TMTC1: variants seen among roughly 807,000 people sequenced by gnomAD.
TMTC1 encodes protein O-mannosyl-transferase TMTC1.
A neutral mutation model predicts 104.8 loss-of-function variants in TMTC1; 73 were observed. That is an observed-to-expected ratio of 0.70 (90% CI 0.58 to 0.85). TMTC1 has a LOEUF of 0.85. Ranked by LOEUF, TMTC1 falls within the 40% of genes least tolerant of loss-of-function variation. The probability of loss-of-function intolerance (pLI) is 0.00; values close to 1 mark genes in which losing one functional copy is unlikely to be tolerated. For synonymous variants in TMTC1, 434 were observed against 428.7 expected, an observed-to-expected ratio of 1.01 and a Z score of -0.15; for missense variants, 1,035 against 1,096.1, an observed-to-expected ratio of 0.94 and a Z score of 0.79.
intron 2 of TMTC1, among the ~76,000 whole-genome samples, chr12:29,759,965 C>T (rs995741684): frequency 2.6e-5 from 4 of 152,138 alleles, no homozygotes; most frequent in Non-Finnish European, 4.4e-5. Flanking sequence ...AGGTCAACAA[C>T]GAGCCACATA....
At chr12:29,647,734 T>G (rs1939332326) in intron 5 of TMTC1, among the ~76,000 whole-genome samples, 1 of 152,228 alleles carries the variant, frequency 6.6e-6, no homozygotes, top group African/African-American at 2.4e-5. Context: ...CTCAAGCAAA[T>G]CTATTCTAGT....
intron 10 of TMTC1, among the ~76,000 whole-genome samples, chr12:29,551,681 C>T (rs903390259): frequency 3.9e-5 from 6 of 152,074 alleles, no homozygotes; most frequent in African/African-American, 1.4e-4. Context: ...AATATTTTTC[C>T]CATATCCTGA....
At chr12:29,539,842 G>A (rs1944747259) in intron 10 of TMTC1, among the ~76,000 whole-genome samples, 1 of 152,134 alleles carries the variant, frequency 6.6e-6, no homozygotes, top group South Asian at 2.1e-4. Context: ...GATTTGCCCT[G>A]CTCCTAAGCA....
intron 5 of TMTC1, among the ~76,000 whole-genome samples, chr12:29,650,722 C>A (rs189858196): frequency 6.6e-6 from 1 of 152,300 alleles, no homozygotes; most frequent in Non-Finnish European, 1.5e-5. Context: ...TCTGAGCTTT[C>A]ACAAACAGGT....
chr12:29,600,023 T>C (rs1031783775), intron 7 of TMTC1, among the ~76,000 whole-genome samples: 13 of 143,772 alleles, frequency 9.0e-5, no homozygotes, highest in South Asian at 4.4e-4. Flanking sequence ...TTTTTTTTTT[T>C]CCCTCAAAAG....
chr12:29,696,382 C>A (rs1863223), intron 5 of TMTC1, among the ~76,000 whole-genome samples: 33,779 of 152,062 alleles, frequency 0.22, 4,001 homozygotes, highest in East Asian at 0.34. Flanking sequence ...TTAGAAACTT[C>A]ACTTCTGGAT....
chr12:29,731,032 G>A lies in TMTC1; in HGVS notation c.938+20634C>T, dbSNP rs577709379. ...GAACATCATGAATTGGAACTTGGAG[G>A]AAGGCATGCAGTCAAATGAACAAAA... On this transcript the variant is annotated intron_variant, in intron 5 of 17. Transcript: ENST00000539277. 6.6e-5 allele frequency among the ~76,000 whole-genome samples: 10 copies of A among 152,266 alleles called. No homozygotes were observed. In the South Asian group the frequency reaches 2.1e-3, roughly 32 times the overall value.
At chr12:29,520,973 C>T (rs1944136004) in intron 11 of TMTC1, 3 of 414,950 alleles carry the variant, frequency 7.2e-6, no homozygotes, top group African/African-American at 2.0e-5. Flanking sequence ...TCAAATGGGA[C>T]CTTTGGAAGG....
chr12:29,726,815 C>T lies in TMTC1; in HGVS notation c.938+24851G>A, dbSNP rs533376426. 9.2e-5 allele frequency among the ~76,000 whole-genome samples: 14 copies of T among 152,286 alleles called. No individual in the cohort carries two copies. In the South Asian group the frequency reaches 2.9e-3, roughly 32 times the overall value. ...TCAATCTAGAGATTATCCTAAAGTT[C>T]CGAAGACTTACTTAGATTAAGAAAT... On this transcript the variant is annotated intron_variant, in intron 5 of 17. Coordinates refer to ENST00000539277, the MANE Select transcript of TMTC1 (RefSeq NM_001193451.2).
At position 29,604,345 on chromosome 12, in the gene TMTC1, C is replaced by T. The variant is rs753894114; in HGVS notation, c.1129-46G>A. Reference sequence around the variant, plus strand: ...GGAAACATTAACTTCTGTTGAATTCCACTTCAGGCAGCATTTAACCATCTC... The same window carrying T: ...GGAAACATTAACTTCTGTTGAATTCTACTTCAGGCAGCATTTAACCATCTC... On this transcript the variant is annotated intron_variant, in intron 6 of 17. Transcript: ENST00000539277. 14 of 1,609,972 alleles carry T rather than the reference C, an allele frequency of 8.7e-6. No homozygotes were observed. The African/African-American group carries it at 1.7e-4, about 20-fold the overall frequency.
chr12:29,768,916 G>A (rs1943534785), intron 1 of TMTC1, among the ~76,000 whole-genome samples: 4 of 152,170 alleles, frequency 2.6e-5, no homozygotes, highest in Admixed American at 2.6e-4. Context: ...ACACCCAATT[G>A]ATTCTGTGGG....
intron 5 of TMTC1, among the ~76,000 whole-genome samples, chr12:29,745,355 G>A (rs1356547279): frequency 6.6e-6 from 1 of 152,062 alleles, no homozygotes; most frequent in Non-Finnish European, 1.5e-5. Flanking sequence ...AGGAGCAGTG[G>A]CTCACGACTT....
intron 5 of TMTC1, among the ~76,000 whole-genome samples, chr12:29,735,384 T>C (rs1440126736): frequency 6.6e-6 from 1 of 152,058 alleles, no homozygotes; most frequent in African/African-American, 2.4e-5. Context: ...AGTTGCAAAA[T>C]GCAGATAAGA....
chr12:29,525,432 C>T (rs770173208), intron 11 of TMTC1, among the ~76,000 whole-genome samples: 4 of 151,780 alleles, frequency 2.6e-5, no homozygotes, highest in Admixed American at 2.0e-4. Flanking sequence ...GTGATCCACC[C>T]GCCTTGGCTT....
At chr12:29,592,890 T>C (rs1946317553) in intron 7 of TMTC1, among the ~76,000 whole-genome samples, 1 of 152,214 alleles carries the variant, frequency 6.6e-6, no homozygotes, top group South Asian at 2.1e-4. Context: ...TGTGTAAAGT[T>C]TGAATGCATT....
At chr12:29,668,631 T>G (rs1354513078) in intron 5 of TMTC1, among the ~76,000 whole-genome samples, 2 of 152,040 alleles carry the variant, frequency 1.3e-5, no homozygotes, top group African/African-American at 2.4e-5. Context: ...TGGCTAATTT[T>G]TGTACTTTTA....
In TMTC1 at chr12:29,536,242, T is replaced by C. The variant is rs1350908413; in HGVS notation, c.1752A>G (p.Ala584=). 6.2e-7 allele frequency: 1 copy of C among 1,613,182 alleles called. No homozygotes were observed. The highest frequency in any genetic ancestry group is 8.5e-7 in the Non-Finnish European group (1 of 1,179,516). The change falls in exon 11 of 18, where the codon GCA becomes GCG. Residue 584 remains alanine, a synonymous_variant. Coordinates refer to ENST00000539277, the MANE Select transcript of TMTC1 (RefSeq NM_001193451.2). ...CCAATAACGAAGCTAAGCTTGAATA[T>C]GCATCTGCAAACTCTGGACCATATT... is the stretch of plus-strand genomic sequence containing the variant. ...SIKYGPEFAD[A]YSSLASLLAE...
chr12:29,549,297 C>G (rs957956996), intron 10 of TMTC1, among the ~76,000 whole-genome samples: 8 of 151,432 alleles, frequency 5.3e-5, no homozygotes, highest in African/African-American at 1.9e-4. Context: ...AAATACATAC[C>G]AAATTATCAC....
rs200074168 is a variant in TMTC1, at chr12:29,761,051, TTAA to T, written c.481-2277_481-2275del. 4.4e-3 allele frequency among the ~76,000 whole-genome samples: 644 copies of T among 148,018 alleles called. 6 individuals carry two copies. Among genetic ancestry groups the T allele is most frequent in the African/African-American group, 0.015 (606 of 40,922 alleles). On this transcript the variant is annotated intron_variant, in intron 2 of 17. Coordinates refer to ENST00000539277, the MANE Select transcript of TMTC1 (RefSeq NM_001193451.2). ...TATATGTTATAAATTGTATAACATA[TTAA>T]TAAGTATTATATGTTTATATTACAG...
Sources: allele counts gnomAD v4.1 joint callset (sites outside exome capture counted in the v4.1 genomes callset), GRCh38; gene constraint gnomAD v4.1.1; transcripts MANE v1.5; gene names NCBI Gene and HGNC (gene_info 2026-07-23, HGNC 2026-07-21).